The following MAN1C1 variants were observed in gnomAD, a reference collection of about 807,000 sequenced individuals.
The protein encoded by MAN1C1 is mannosyl-oligosaccharide 1,2-alpha-mannosidase IC.
Under a neutral mutation model 71.5 loss-of-function variants are expected in MAN1C1, and 49 were observed. The ratio of observed to expected loss-of-function variants is 0.69; its 90% CI spans 0.54 to 0.87. The LOEUF is 0.87. Ranked by LOEUF, MAN1C1 falls within the 40% of genes least tolerant of loss-of-function variation. The pLI, the probability that MAN1C1 is intolerant of heterozygous loss-of-function variation, is 0.00. For synonymous variants in MAN1C1, 352 were observed against 343.7 expected (o/e 1.02, Z -0.27); for missense variants, 743 against 835.0 (o/e 0.89, Z 1.36).
intron 2 of MAN1C1, among the ~76,000 whole-genome samples, chr1:25,691,654 G>A (rs1011494000): frequency 6.6e-6 from 1 of 152,214 alleles, no homozygotes; most frequent in African/African-American, 2.4e-5. Context: ...GACCCAGGAA[G>A]CCACATGAGG....
rs756941796 is a variant in MAN1C1 at position 25,781,117 on chromosome 1, G to A, written c.1650+5G>A. ...TGGGGCTGGGAGGTGGTGCTGGTGAGTGGGCCCCAGGGATGGGCAGCAAGG... is the reference window on the plus strand; with the variant it reads ...TGGGGCTGGGAGGTGGTGCTGGTGAATGGGCCCCAGGGATGGGCAGCAAGG... On this transcript the variant is annotated splice_donor_5th_base_variant and intron_variant, in intron 10 of 11. Coordinates refer to ENST00000374332, the MANE Select transcript of MAN1C1 (RefSeq NM_020379.4). The A allele has an allele frequency of 2.5e-6, 4 of 1,613,466 alleles. No homozygotes were observed. In the African/African-American group the frequency reaches 4.0e-5, roughly 16 times the overall value.
chr1:25,624,557 G>A (rs949540255), intron 1 of MAN1C1, among the ~76,000 whole-genome samples: 1 of 152,190 alleles, frequency 6.6e-6, no homozygotes, highest in Non-Finnish European at 1.5e-5. Context: ...TTGTCCATCT[G>A]TTTTAGTGGT....
chr1:25,681,937 T>C (rs1198113027), intron 1 of MAN1C1, among the ~76,000 whole-genome samples: 1 of 149,962 alleles, frequency 6.7e-6, no homozygotes, highest in Non-Finnish European at 1.5e-5. Flanking sequence ...CATGCTAGTC[T>C]AACCCCCTAT....
intron 1 of MAN1C1, among the ~76,000 whole-genome samples, chr1:25,655,335 T>G (rs1188254733): frequency 1.3e-5 from 2 of 152,200 alleles, no homozygotes; most frequent in East Asian, 3.8e-4. Context: ...CCAACACTGC[T>G]CTTCCAGGGT....
chr1:25,618,021 C>G lies in MAN1C1; in HGVS notation c.224C>G (p.Ala75Gly). The change falls in exon 1 of 12, where the codon GCC (alanine) becomes GGC (glycine). Residue 75 changes from alanine to glycine, a missense_variant. Transcript: ENST00000374332. ...GCTGAAATCGCCGGCCATGCCCCGG[C>G]CCGCGAGCAGGAGCCGCCTCCCAAC... ...VVAEIAGHAP[A>G]REQEPPPNPA... 6.3e-7 allele frequency: 1 copy of G among 1,598,798 alleles called. No individual in the cohort carries two copies. Among genetic ancestry groups the G allele is most frequent in the Non-Finnish European group, 8.5e-7 (1 of 1,174,948 alleles).
At chr1:25,771,889 C>T in intron 8 of MAN1C1, 117 bp downstream of exon 8, 1 of 727,936 alleles carries the variant, frequency 1.4e-6, no homozygotes, top group Non-Finnish European at 2.4e-6. Flanking sequence ...GCTCCCACCC[C>T]CTGCAATGAA....
Position 25,617,935 on chromosome 1 carries a change from C to T in MAN1C1, c.138C>T (p.Ser46=), listed in dbSNP as rs1351325634. Residue 46 remains serine (S), a synonymous_variant, in exon 1 of 12, where the codon TCC becomes TCT. Coordinates refer to ENST00000374332, the MANE Select transcript of MAN1C1 (RefSeq NM_020379.4). The surrounding 1 kb of genome is among the most constrained non-coding windows in gnomAD (Gnocchi z 5.1). ...CFGALFLLPH[S]SRLKRLFLAP... Reference sequence around the variant, plus strand: ...GGGCCCTCTTCCTGCTGCCCCACTCCTCTCGCCTCAAGCGCCTCTTCCTGG... The same window carrying T: ...GGGCCCTCTTCCTGCTGCCCCACTCTTCTCGCCTCAAGCGCCTCTTCCTGG... The T allele has an allele frequency of 6.2e-7, 1 of 1,607,254 alleles. No individual in the cohort carries two copies. Among genetic ancestry groups the T allele is most frequent in the Middle Eastern group, 1.7e-4 (1 of 6,036 alleles).
chr1:25,749,173 A>G (rs1039463155), intron 3 of MAN1C1, 82 bp from the exon 4 acceptor site: 2 of 1,139,654 alleles, frequency 1.8e-6, no homozygotes, highest in African/African-American at 3.1e-5. Context: ...TGGGAGGAAT[A>G]TCAGTGGCCA....
intron 2 of MAN1C1, among the ~76,000 whole-genome samples, chr1:25,690,358 T>C (rs987202975): frequency 1.1e-4 from 17 of 148,484 alleles, no homozygotes; most frequent in African/African-American, 3.8e-4. Flanking sequence ...AGTAGTGCGA[T>C]CTCAGCTCAC....
chr1:25,657,782 A>G (rs1035289085), intron 1 of MAN1C1, among the ~76,000 whole-genome samples: 4 of 152,194 alleles, frequency 2.6e-5, no homozygotes, highest in Non-Finnish European at 2.9e-5. Flanking sequence ...TCAGTAAGTT[A>G]TTACTGGCTA....
At chr1:25,703,919 G>T (rs920245016) in intron 2 of MAN1C1, among the ~76,000 whole-genome samples, 47 of 152,176 alleles carry the variant, frequency 3.1e-4, no homozygotes, top group African/African-American at 1.1e-3. Flanking sequence ...AAACCTCCAA[G>T]GAGCTTTTGG....
At chr1:25,645,045 C>G (rs1484398847) in intron 1 of MAN1C1, 1 of 152,308 alleles carries the variant, frequency 6.6e-6, no homozygotes, top group East Asian at 1.9e-4. Flanking sequence ...CTGATTCTGC[C>G]AAACCTGACT....
intron 1 of MAN1C1, among the ~76,000 whole-genome samples, chr1:25,661,861 T>A (rs2045854333): frequency 6.6e-6 from 1 of 152,236 alleles, no homozygotes; most frequent in South Asian, 2.1e-4. Context: ...CATCTATTTG[T>A]TTTGCAAATA....
At chr1:25,738,661 G>A (rs1234790459) in intron 2 of MAN1C1, among the ~76,000 whole-genome samples, 2 of 152,208 alleles carry the variant, frequency 1.3e-5, no homozygotes, top group South Asian at 4.1e-4. Flanking sequence ...TTATCTGGAA[G>A]CTTTTTGAGT....
intron 8 of MAN1C1, chr1:25,772,337 T>G (rs901129265): frequency 3.2e-5 from 5 of 154,178 alleles, no homozygotes; most frequent in African/African-American, 1.2e-4. Flanking sequence ...AGCACAGAGC[T>G]GGCCAAGCTG....
chr1:25,653,054 C>T (rs776049192), intron 1 of MAN1C1, among the ~76,000 whole-genome samples: 7 of 152,090 alleles, frequency 4.6e-5, no homozygotes, highest in Non-Finnish European at 1.0e-4. Flanking sequence ...GTATGAGCCA[C>T]CACATCCAGC....
intron 1 of MAN1C1, among the ~76,000 whole-genome samples, chr1:25,622,042 GC>G (rs1452212466): frequency 2.0e-5 from 3 of 152,198 alleles, no homozygotes; most frequent in Non-Finnish European, 2.9e-5. Flanking sequence ...GTTGGGACTT[GC>G]CCTTGCCCAT....
chr1:25,767,821 C>T (rs1451258383), intron 7 of MAN1C1, among the ~76,000 whole-genome samples: 4 of 135,162 alleles, frequency 3.0e-5, no homozygotes, highest in Non-Finnish European at 4.7e-5. Flanking sequence ...TACATCCACA[C>T]TCCCCTCACA....
At chr1:25,780,809 G>A in intron 9 of MAN1C1, 131 bp from the exon 10 acceptor site, 1 of 908,732 alleles carries the variant, frequency 1.1e-6, no homozygotes, top group South Asian at 1.6e-5. Flanking sequence ...GTCCAGGCAG[G>A]GGCACCCCAC....
Sources: gnomAD v4.1 joint callset for allele counts (sites outside exome capture counted in the v4.1 genomes callset) on GRCh38, gnomAD v4.1.1 for gene constraint, Gnocchi (gnomAD v3.1) non-coding constraint, MANE v1.5 for transcripts, NCBI Gene and HGNC (gene_info 2026-07-23, HGNC 2026-07-21) for gene names.